ACSM3: variants seen among roughly 807,000 people sequenced by gnomAD.
The protein encoded by ACSM3 is acyl-coenzyme A synthetase ACSM3, mitochondrial.
Under a neutral mutation model 74.1 loss-of-function variants are expected in ACSM3, and 61 were observed. That is an observed-to-expected ratio of 0.82 (90% CI 0.67 to 1.02). The LOEUF is 1.02. ACSM3 is among the 50% of genes least tolerant of loss of function. ACSM3 has a pLI of 0.00. For synonymous variants in ACSM3, 213 were observed against 241.5 expected (o/e 0.88, Z 1.09); for missense variants, 660 against 697.0 (o/e 0.95, Z 0.60).
rs562462935 is a variant in ACSM3, at chr16:20,740,258, T to C, written c.-189-9652T>C. Among the ~76,000 whole-genome samples, 31 of 152,258 alleles carry C rather than the reference T, an allele frequency of 2.0e-4. No homozygotes were observed. The East Asian group carries it at 3.5e-3, about 17-fold the overall frequency. ...AAAAATACAAAAAATTAGTCGGGCA[T>C]GGTGGCACATGCCTGCAGTCCCTGC... On this transcript the variant is annotated intron_variant, in intron 1 of 3. Coordinates refer to the ACSM3 transcript ENST00000561584.
chr16:20,770,259 G>T lies in ACSM3; in HGVS notation c.219+6G>T, dbSNP rs765378823. The T allele has an allele frequency of 6.8e-6, 11 of 1,611,848 alleles. No homozygotes were observed. Among genetic ancestry groups the T allele is most frequent in the Non-Finnish European group, 7.6e-6 (9 of 1,177,964 alleles). ...AATGGACTGATAAGGAAAAGGTATGGGGGGAGGGCCAGTCAGACCACAATT... is the reference window on the plus strand; with the variant it reads ...AATGGACTGATAAGGAAAAGGTATGTGGGGAGGGCCAGTCAGACCACAATT... On this transcript the variant is annotated splice_donor_region_variant and intron_variant, in intron 2 of 13. Transcript: ENST00000289416.
At position 20,682,877 on chromosome 16, in the gene ACSM3, T is replaced by C. The variant is rs1465735901; in HGVS notation, c.-190+8055T>C. On this transcript the variant is annotated intron_variant, in intron 1 of 3. Coordinates refer to the ACSM3 transcript ENST00000561584. ...TTCCTTTTCCCCTTTCTGTCATTCC[T>C]TGGATGTCATCTTGAATGTCCCCTC... Among the ~76,000 whole-genome samples, 3 of 152,306 alleles carry C rather than the reference T, an allele frequency of 2.0e-5. No homozygotes were observed. The East Asian group carries it at 5.8e-4, about 29-fold the overall frequency.
chr16:20,706,436 C>T (rs1030219114), intron 1 of ACSM3, among the ~76,000 whole-genome samples: 1 of 152,124 alleles, frequency 6.6e-6, no homozygotes, highest in African/African-American at 2.4e-5. Context: ...AGGTAGTCCC[C>T]CACTCACATT....
intron 9 of ACSM3, chr16:20,786,419 G>A (rs996914643): frequency 6.0e-5 from 38 of 632,482 alleles, no homozygotes; most frequent in Middle Eastern, 4.8e-4. Flanking sequence ...AGTGGCTCAC[G>A]CCTGTAATCC....
intron 1 of ACSM3, chr16:20,738,820 T>A: frequency 6.6e-7 from 1 of 1,524,544 alleles, no homozygotes; most frequent in South Asian, 1.2e-5. Flanking sequence ...AGAAGCCATT[T>A]TGTAAGCAGT....
intron 1 of ACSM3, among the ~76,000 whole-genome samples, chr16:20,698,263 G>C (rs928016181): frequency 1.3e-5 from 2 of 151,750 alleles, no homozygotes. Context: ...GGCTAGGGGT[G>C]TGAATGAACT....
intron 1 of ACSM3, among the ~76,000 whole-genome samples, chr16:20,710,883 G>A (rs888239949): frequency 2.1e-4 from 32 of 152,086 alleles, no homozygotes; most frequent in African/African-American, 7.5e-4. Context: ...TCAGGAGTTC[G>A]ACACCAGCCT....
At position 20,785,028 on chromosome 16, in the gene ACSM3, C is replaced by T. The variant is rs1485471560; in HGVS notation, c.1064C>T (p.Pro355Leu). ...AAGCACTGTGTGAGTGCTGGGGAAC[C>T]AATTACCCCTGACGTGACTGAAAAA... The part of the protein sequence containing the change: ...SLKHCVSAGE[P>L]ITPDVTEKWR... The change falls in exon 8 of 14, where the codon CCA becomes CTA. Residue 355 changes from proline (P) to leucine (L), a missense_variant. Coordinates refer to ENST00000289416, the MANE Select transcript of ACSM3 (RefSeq NM_005622.4). 1 of 1,613,430 alleles carries T rather than the reference C, an allele frequency of 6.2e-7. No individual in the cohort carries two copies. Among genetic ancestry groups the T allele is most frequent in the East Asian group, 2.2e-5 (1 of 44,864 alleles).
chr16:20,775,966 C>T lies in ACSM3; in HGVS notation c.347C>T (p.Ser116Phe). 6.2e-7 allele frequency: 1 copy of T among 1,614,172 alleles called. No individual in the cohort carries two copies. Among genetic ancestry groups the T allele is most frequent in the Non-Finnish European group, 8.5e-7 (1 of 1,180,026 alleles). ...GCCAATATACTTTCAGAAGCCTGTT[C>T]CCTACAAAGAGGAGATCGGGTAATT... Reference protein sequence around the residue: ...KFANILSEACSLQRGDRVILI... With the variant: ...KFANILSEACFLQRGDRVILI... Residue 116 changes from serine (S) to phenylalanine (F), a missense_variant, in exon 3 of 14, where the codon TCC becomes TTC. By Grantham distance (155) the Ser-to-Phe change is radical (BLOSUM62 -2). Transcript: ENST00000289416.
chr16:20,772,398 AAAAATT>A (rs1459657381), intron 2 of ACSM3, among the ~76,000 whole-genome samples: 41 of 149,088 alleles, frequency 2.8e-4, no homozygotes, highest in East Asian at 1.8e-3. Flanking sequence ...AAAAAATTTT[AAAAATT>A]AAAATTAAAA....
rs1210991482 is a variant in ACSM3 at position 20,756,933 on chromosome 16, T to G, written c.-52+1317T>G. ...TTGTTTTTCTCAGGTTTGTCAAAGA[T>G]CAGATAGTTGTACATATGCGGCGTT... On this transcript the variant is annotated intron_variant, in intron 3 of 3. Coordinates refer to the ACSM3 transcript ENST00000561584. Among the ~76,000 whole-genome samples the G allele has an allele frequency of 2.0e-4, 30 of 152,200 alleles. No homozygotes were observed. In the East Asian group the frequency reaches 5.4e-3, roughly 27 times the overall value.
At chr16:20,743,022 G>C (rs2079942078) in intron 1 of ACSM3, among the ~76,000 whole-genome samples, 1 of 148,924 alleles carries the variant, frequency 6.7e-6, no homozygotes, top group South Asian at 2.1e-4. Flanking sequence ...CTCACTGCAA[G>C]CTCCGCCTCC....
rs564359439 is a variant in ACSM3 at position 20,756,410 on chromosome 16, C to T, written c.-52+794C>T. ...TGATGATGAGCATTTTTTCATGTGT[C>T]TTTTGGCTGCATAAATGTCTTCTTT... On this transcript the variant is annotated intron_variant, in intron 3 of 3. Transcript: ENST00000561584. Among the ~76,000 whole-genome samples the T allele has an allele frequency of 5.4e-4, 81 of 151,052 alleles. No individual in the cohort carries two copies. The East Asian group carries it at 0.011, about 20-fold the overall frequency.
intron 1 of ACSM3, among the ~76,000 whole-genome samples, chr16:20,746,402 A>T (rs949165144): frequency 1.4e-4 from 22 of 152,228 alleles, no homozygotes; most frequent in Admixed American, 3.9e-4. Flanking sequence ...AAAGCTGTTG[A>T]ATCCTTTTAC....
chr16:20,794,453 G>A (rs1014524968), intron 12 of ACSM3, among the ~76,000 whole-genome samples: 27 of 152,146 alleles, frequency 1.8e-4, no homozygotes, highest in Non-Finnish European at 3.8e-4. Context: ...CACTTGAAAT[G>A]TGGCTAGTGT....
Position 20,787,543 on chromosome 16 carries a change from A to C in ACSM3, c.1224+1385A>C, listed in dbSNP as rs371746348. ...ACCAATTCAATAGATTTGGAGTGGA[A>C]CTCTGAAATTTGAAATCTTGTGATT... On this transcript the variant is annotated intron_variant, in intron 9 of 13. Transcript: ENST00000289416. 7.2e-5 allele frequency among the ~76,000 whole-genome samples: 11 copies of C among 152,330 alleles called. No individual in the cohort carries two copies. In the South Asian group the frequency reaches 2.3e-3, roughly 32 times the overall value.
intron 1 of ACSM3, chr16:20,741,621 T>G (rs1446660615): frequency 5.7e-6 from 9 of 1,574,440 alleles, no homozygotes; most frequent in Non-Finnish European, 6.9e-6. Flanking sequence ...TAGCCCGGGC[T>G]CTAGCTGACG....
intron 1 of ACSM3, among the ~76,000 whole-genome samples, chr16:20,712,268 A>C (rs1182399016): frequency 1.3e-5 from 2 of 152,178 alleles, no homozygotes; most frequent in African/African-American, 4.8e-5. Flanking sequence ...CTAGGCCCAC[A>C]AAGCCTAAGA....
chr16:20,749,636 G>C (rs1028222754), intron 1 of ACSM3: 7 of 152,452 alleles, frequency 4.6e-5, no homozygotes, highest in Admixed American at 3.9e-4. Context: ...AGAGACAGTA[G>C]AGCAGGGGTG....
Sources: gnomAD v4.1 joint callset for allele counts (sites outside exome capture counted in the v4.1 genomes callset) on GRCh38, gnomAD v4.1.1 for gene constraint, MANE v1.5 for transcripts, NCBI Gene and HGNC (gene_info 2026-07-23, HGNC 2026-07-21) for gene names.